PDE8A: variants seen among roughly 807,000 people sequenced by gnomAD.
The protein encoded by PDE8A is phosphodiesterase 8A.
Under a neutral mutation model 105.0 loss-of-function variants are expected in PDE8A, and 59 were observed. The ratio of observed to expected loss-of-function variants is 0.56; its 90% CI spans 0.46 to 0.70. PDE8A has a LOEUF of 0.70. Among genes scored for constraint, PDE8A ranks in the 30% least tolerant of loss-of-function variants. The pLI is 0.00. For missense variants in PDE8A, 1,014 were observed against 1,045.9 expected, an observed-to-expected ratio of 0.97 and a Z score of 0.42; for synonymous variants, 355 against 371.9, an observed-to-expected ratio of 0.95 and a Z score of 0.52.
intron 2 of PDE8A, 45 bp downstream of exon 2, chr15:85,064,471 A>T: frequency 3.8e-6 from 5 of 1,317,720 alleles, no homozygotes; most frequent in Non-Finnish European, 5.5e-6. Context: ...GATTTTCTTT[A>T]AAAAGGGTGG....
chr15:85,079,005 C>T (rs1007532087), intron 5 of PDE8A, among the ~76,000 whole-genome samples: 4 of 152,004 alleles, frequency 2.6e-5, no homozygotes, highest in Admixed American at 2.0e-4. Flanking sequence ...TGAACTACAA[C>T]AGAAATTTGA....
Position 85,067,199 on chromosome 15 carries a change from G to A in PDE8A, c.429G>A (p.Leu143=), listed in dbSNP as rs762467544. The stretch of plus-strand genomic sequence containing the variant: ...CTCGACAGCTGGATGCAGAGGCACT[G>A]TGCAGGTAAGCCCAAGACTCGGGCC... ...RNPRQLDAEA[L]CRSIRSSKLS... is the part of the protein sequence containing the mutation. The change falls in exon 3 of 22, where the codon CTG becomes CTA. Residue 143 remains leucine, a synonymous_variant. Transcript: ENST00000394553. 6.8e-6 allele frequency: 11 copies of A among 1,611,620 alleles called. No homozygotes were observed. The Admixed American group carries it at 1.8e-4, about 27-fold the overall frequency.
At chr15:85,078,499 G>A (rs915860286) in intron 5 of PDE8A, among the ~76,000 whole-genome samples, 2 of 134,532 alleles carry the variant, frequency 1.5e-5, no homozygotes, top group African/African-American at 2.7e-5. Context: ...GCAGTGAGCC[G>A]AGATTGTGCC....
intron 12 of PDE8A, among the ~76,000 whole-genome samples, chr15:85,111,142 A>G (rs541416551): frequency 6.6e-6 from 1 of 152,282 alleles, no homozygotes; most frequent in East Asian, 1.9e-4. Flanking sequence ...TGTATCACAA[A>G]TATATTTTTT....
At chr15:85,054,080 T>C (rs1379657853) in intron 1 of PDE8A, among the ~76,000 whole-genome samples, 3 of 152,226 alleles carry the variant, frequency 2.0e-5, no homozygotes, top group Non-Finnish European at 4.4e-5. Flanking sequence ...GATAATCATG[T>C]GGTTTTTGTC....
At chr15:85,067,239 G>C in intron 3 of PDE8A, 35 bp downstream of exon 3, 1 of 1,482,430 alleles carries the variant, frequency 6.7e-7, no homozygotes, top group Non-Finnish European at 9.2e-7. Flanking sequence ...TAGTCCCATT[G>C]GCCTTTCTGA....
chr15:85,130,970 T>G (rs1468037479), intron 20 of PDE8A, among the ~76,000 whole-genome samples: 1 of 152,148 alleles, frequency 6.6e-6, no homozygotes, highest in Non-Finnish European at 1.5e-5. Flanking sequence ...TTGGTCAGGC[T>G]GGTCTCTAAC....
intron 6 of PDE8A, among the ~76,000 whole-genome samples, chr15:85,085,411 A>G (rs2141511822): frequency 6.6e-6 from 1 of 152,362 alleles, no homozygotes; most frequent in East Asian, 1.9e-4. Flanking sequence ...TATAAAAACC[A>G]GAAACAGGCC....
intron 1 of PDE8A, among the ~76,000 whole-genome samples, chr15:85,014,124 CT>C (rs939834394): frequency 1.3e-5 from 2 of 151,596 alleles, no homozygotes; most frequent in Non-Finnish European, 2.9e-5. Flanking sequence ...TTCTTTCTTC[CT>C]TTCTTTTTCT....
chr15:84,990,478 C>T (rs897112906), intron 1 of PDE8A, among the ~76,000 whole-genome samples: 1 of 152,092 alleles, frequency 6.6e-6, no homozygotes, highest in African/African-American at 2.4e-5. Context: ...TAAATAGAAC[C>T]TTACAGTCTA....
chr15:85,109,231 C>A, intron 12 of PDE8A, 101 bp downstream of exon 12: 2 of 702,332 alleles, frequency 2.8e-6, no homozygotes, highest in South Asian at 2.3e-5. Context: ...ACCTCCAATT[C>A]TTGGGAGAGG....
chr15:85,037,237 G>C (rs920531745), intron 1 of PDE8A, among the ~76,000 whole-genome samples: 1 of 151,948 alleles, frequency 6.6e-6, no homozygotes, highest in Non-Finnish European at 1.5e-5. Context: ...AGCTAATTTT[G>C]TATTTTTAGT....
At chr15:85,031,359 T>C (rs1241344630) in intron 1 of PDE8A, among the ~76,000 whole-genome samples, 1 of 152,136 alleles carries the variant, frequency 6.6e-6, no homozygotes, top group Non-Finnish European at 1.5e-5. Context: ...TGAGGGAGAT[T>C]TGGGATTAGC....
At chr15:85,048,283 G>A (rs971959582) in intron 1 of PDE8A, among the ~76,000 whole-genome samples, 1 of 151,348 alleles carries the variant, frequency 6.6e-6, no homozygotes. Context: ...ATATTTTAAG[G>A]GTTTTTTTCT....
intron 17 of PDE8A, among the ~76,000 whole-genome samples, chr15:85,119,218 C>T (rs1307864169): frequency 2.0e-5 from 3 of 152,032 alleles, no homozygotes; most frequent in African/African-American, 7.2e-5. Context: ...GTGGCTCACA[C>T]CTGTAATCCC....
chr15:84,987,487 TA>T (rs2079821910), intron 1 of PDE8A, among the ~76,000 whole-genome samples: 1 of 149,766 alleles, frequency 6.7e-6, no homozygotes, highest in Non-Finnish European at 1.5e-5. Flanking sequence ...TTTTTTTTTT[TA>T]AAGACAGTTT....
At chr15:85,049,259 ATGT>A (rs1254751860) in intron 1 of PDE8A, among the ~76,000 whole-genome samples, 1 of 152,188 alleles carries the variant, frequency 6.6e-6, no homozygotes, top group Non-Finnish European at 1.5e-5. Context: ...TACATTCATA[ATGT>A]TGTGCAACTG....
At chr15:85,078,074 C>A (rs1409074982) in intron 5 of PDE8A, among the ~76,000 whole-genome samples, 1 of 147,598 alleles carries the variant, frequency 6.8e-6, no homozygotes, top group Admixed American at 6.8e-5. Flanking sequence ...AAAACTAATT[C>A]ATAGATTCAT....
upstream of PDE8A, among the ~76,000 whole-genome samples, chr15:84,981,027 C>A (rs983489891): frequency 1.2e-4 from 18 of 152,326 alleles, no homozygotes; most frequent in African/African-American, 4.3e-4. Flanking sequence ...CTTTCACTAC[C>A]CCCAAAGGAG....
Sources: allele counts gnomAD v4.1 joint callset (sites outside exome capture counted in the v4.1 genomes callset), GRCh38; gene constraint gnomAD v4.1.1; transcripts MANE v1.5; gene names NCBI Gene and HGNC (gene_info 2026-07-23, HGNC 2026-07-21).